PKP4: variants seen among roughly 807,000 people sequenced by gnomAD.
The protein encoded by PKP4 is plakophilin 4.
In PKP4, 90 loss-of-function variants were observed where a neutral mutation model predicts 145.1. The ratio of observed to expected loss-of-function variants is 0.62; its 90% CI spans 0.52 to 0.74. The LOEUF (loss-of-function observed/expected upper bound fraction) is 0.74. Among genes scored for constraint, PKP4 ranks in the 30% least tolerant of loss-of-function variants. The pLI, the probability that PKP4 is intolerant of heterozygous loss-of-function variation, is 0.00. For missense variants in PKP4, 1,340 were observed against 1,482.7 expected, an observed-to-expected ratio of 0.90 and a Z score of 1.58; for synonymous variants, 563 against 577.2, an observed-to-expected ratio of 0.98 and a Z score of 0.35.
At chr2:158,597,780 G>T (rs2049887035) in intron 3 of PKP4, among the ~76,000 whole-genome samples, 1 of 151,568 alleles carries the variant, frequency 6.6e-6, no homozygotes, top group African/African-American at 2.4e-5. Flanking sequence ...AAATATACAT[G>T]TGTGTGTAAA....
chr2:158,594,292 T>C (rs893922304), intron 3 of PKP4, among the ~76,000 whole-genome samples: 8 of 152,184 alleles, frequency 5.3e-5, no homozygotes, highest in African/African-American at 1.9e-4. Flanking sequence ...GCTCTTGCTT[T>C]TCTGTAACCT....
intron 2 of PKP4, among the ~76,000 whole-genome samples, chr2:158,541,719 A>G (rs1186913446): frequency 6.6e-6 from 1 of 152,138 alleles, no homozygotes; most frequent in Non-Finnish European, 1.5e-5. Flanking sequence ...AAAGCATTTC[A>G]ATTTATAGAC....
chr2:158,637,183 A>T (rs914304893), intron 9 of PKP4, among the ~76,000 whole-genome samples: 8 of 152,126 alleles, frequency 5.3e-5, no homozygotes, highest in Admixed American at 2.0e-4. Context: ...TCCCATCAAG[A>T]TTGGTTTTGT....
chr2:158,581,333 G>A (rs900835057), intron 3 of PKP4, among the ~76,000 whole-genome samples: 2 of 152,166 alleles, frequency 1.3e-5, no homozygotes, highest in Non-Finnish European at 2.9e-5. Flanking sequence ...CAAACTGGGG[G>A]ATTTGATCAC....
rs142129507 is a variant in PKP4, at chr2:158,645,199, G to A, written c.1909+2500G>A. On this transcript the variant is annotated intron_variant, in intron 11 of 21. Coordinates refer to ENST00000389759, the MANE Select transcript of PKP4 (RefSeq NM_003628.6). ...GTATTTTGACTATTAATGCTTTAGC[G>A]CTTCTAAATTAGTACTCCCACTTTC... Among the ~76,000 whole-genome samples the A allele has an allele frequency of 1.6e-3, 241 of 152,228 alleles. 2 individuals carry two copies. Among genetic ancestry groups the A allele is most frequent in the African/African-American group, 5.3e-3 (220 of 41,534 alleles).
chr2:158,528,222 G>A, intron 1 of PKP4, among the ~76,000 whole-genome samples: 1 of 138,786 alleles, frequency 7.2e-6, no homozygotes, highest in East Asian at 2.0e-4. Flanking sequence ...CAATAGCAAA[G>A]ACTTGGAACC....
chr2:158,578,503 C>G (rs1020221429), intron 3 of PKP4, among the ~76,000 whole-genome samples: 4 of 67,704 alleles, frequency 5.9e-5, no homozygotes, highest in Non-Finnish European at 1.7e-4. Context: ...TGAAATAATT[C>G]GTTAAGTTAA....
At chr2:158,508,934 C>T (rs937964179) in intron 1 of PKP4, among the ~76,000 whole-genome samples, 1 of 152,140 alleles carries the variant, frequency 6.6e-6, no homozygotes, top group African/African-American at 2.4e-5. Context: ...ATTATTTATA[C>T]TCTGTAATGC....
rs150028163 is a variant in PKP4 at position 158,680,466 on chromosome 2, G to A, written c.3368G>A (p.Arg1123Lys). Reference sequence around the variant, plus strand: ...TATTATAGTCAAGATGACTCCAACAGAAAGAACTTTGATGCATACAGATTG... The same window carrying A: ...TATTATAGTCAAGATGACTCCAACAAAAAGAACTTTGATGCATACAGATTG... The part of the protein sequence containing the change: ...QLYYSQDDSN[R>K]KNFDAYRLYL... The change falls in exon 22 of 22, where the codon AGA becomes AAA. Residue 1123 changes from arginine to lysine, a missense_variant. Transcript: ENST00000389759. The A allele has an allele frequency of 3.5e-4, 570 of 1,612,884 alleles. 4 individuals carry two copies. In the African/African-American group the frequency reaches 6.8e-3, roughly 19 times the overall value.
At chr2:158,673,649 T>C (rs1257248039) in intron 17 of PKP4, 28 bp from the exon 18 acceptor site, 3 of 1,543,414 alleles carry the variant, frequency 1.9e-6, no homozygotes, top group African/African-American at 1.4e-5. Context: ...GTCACCCACA[T>C]TCATTAATAT....
At chr2:158,662,014 C>T (rs1324447654) in intron 13 of PKP4, among the ~76,000 whole-genome samples, 1 of 152,134 alleles carries the variant, frequency 6.6e-6, no homozygotes, top group East Asian at 1.9e-4. Context: ...GCTGTGACGA[C>T]CATCCAGGAT....
At chr2:158,533,504 C>T (rs1348201143) in intron 2 of PKP4, 188 bp downstream of exon 2, 2 of 691,688 alleles carry the variant, frequency 2.9e-6, no homozygotes, top group Admixed American at 2.1e-5. Flanking sequence ...CAGTCAGAAT[C>T]GGAACATGCA....
At position 158,670,474 on chromosome 2, in the gene PKP4, A is replaced by C. The variant is rs2057460151; in HGVS notation, c.2924+559A>C. Among the ~76,000 whole-genome samples, 4 of 152,168 alleles carry C rather than the reference A, an allele frequency of 2.6e-5. No homozygotes were observed. The South Asian group carries it at 8.3e-4, about 32-fold the overall frequency. On this transcript the variant is annotated intron_variant, in intron 17 of 21. Transcript: ENST00000389759. ...TAATACCATCACCTTGGGGGTTGGAATTTCAACATATGAACTTTGGAAGGG... is the reference window on the plus strand; with the variant it reads ...TAATACCATCACCTTGGGGGTTGGACTTTCAACATATGAACTTTGGAAGGG...
chr2:158,602,777 G>A (rs2050338046), intron 3 of PKP4, among the ~76,000 whole-genome samples: 1 of 152,074 alleles, frequency 6.6e-6, no homozygotes, highest in Admixed American at 6.5e-5. Context: ...CGAAAAAACT[G>A]TAGTACATCA....
At chr2:158,459,218 G>A (rs1002139782) in intron 1 of PKP4, among the ~76,000 whole-genome samples, 1 of 152,178 alleles carries the variant, frequency 6.6e-6, no homozygotes, top group Non-Finnish European at 1.5e-5. Flanking sequence ...ACATGAAAAC[G>A]AGAACAACTA....
intron 9 of PKP4, among the ~76,000 whole-genome samples, chr2:158,638,118 A>G (rs2053968160): frequency 6.6e-6 from 1 of 152,236 alleles, no homozygotes; most frequent in Non-Finnish European, 1.5e-5. Flanking sequence ...GTTAATTACA[A>G]CAGAGATTTA....
intron 1 of PKP4, among the ~76,000 whole-genome samples, chr2:158,480,472 A>G (rs907283519): frequency 6.6e-6 from 1 of 151,442 alleles, no homozygotes; most frequent in African/African-American, 2.4e-5. Context: ...ACTGACCTCA[A>G]GTGATTCACC....
chr2:158,578,319 T>C (rs1343972950), intron 3 of PKP4: 1 of 166,654 alleles, frequency 6.0e-6, no homozygotes, highest in East Asian at 1.9e-4. Flanking sequence ...TATATTGATA[T>C]GTTTGGTAAG....
intron 2 of PKP4, among the ~76,000 whole-genome samples, chr2:158,542,192 G>A (rs1017912772): frequency 2.0e-5 from 3 of 152,122 alleles, no homozygotes; most frequent in Admixed American, 6.6e-5. Context: ...CTGCTTACTG[G>A]AGATTTCCCA....
Sources: gnomAD v4.1 joint callset for allele counts (sites outside exome capture counted in the v4.1 genomes callset) on GRCh38, gnomAD v4.1.1 for gene constraint, MANE v1.5 for transcripts, NCBI Gene and HGNC (gene_info 2026-07-23, HGNC 2026-07-21) for gene names.